MRPL13: variants seen among roughly 807,000 people sequenced by gnomAD.
The protein encoded by MRPL13 is mitochondrial ribosomal protein L13.
A neutral mutation model predicts 29.0 loss-of-function variants in MRPL13; 33 were observed. That is an observed-to-expected ratio of 1.14 (90% confidence interval 0.86 to 1.52). The LOEUF (loss-of-function observed/expected upper bound fraction) is 1.52. Ranked by LOEUF, MRPL13 falls within the 40% of genes most tolerant of loss-of-function variation. The probability of loss-of-function intolerance (pLI) is 0.00; values close to 1 mark genes in which losing one functional copy is unlikely to be tolerated. For synonymous variants in MRPL13, 77 were observed against 68.4 expected (o/e 1.13, Z -0.62); for missense variants, 227 against 216.7 (o/e 1.05, Z -0.30).
chr8:120,396,457 A>T (rs1016345987), intron 6 of MRPL13, among the ~76,000 whole-genome samples: 1 of 152,182 alleles, frequency 6.6e-6, no homozygotes, highest in African/African-American at 2.4e-5. Flanking sequence ...AGATTACTAT[A>T]ATCTTTAAGA....
At chr8:120,423,077 A>G (rs1328515047) in intron 4 of MRPL13, among the ~76,000 whole-genome samples, 3 of 152,084 alleles carry the variant, frequency 2.0e-5, no homozygotes, top group Admixed American at 6.6e-5. Context: ...GACTATTGAA[A>G]CTGATCAACA....
intron 4 of MRPL13, among the ~76,000 whole-genome samples, chr8:120,423,739 A>G (rs1812899975): frequency 1.3e-5 from 2 of 152,296 alleles, no homozygotes; most frequent in African/African-American, 4.8e-5. Flanking sequence ...GAATGCCAGC[A>G]AGAAGTACTT....
At chr8:120,442,132 G>A (rs986703427) in intron 2 of MRPL13, among the ~76,000 whole-genome samples, 15 of 152,126 alleles carry the variant, frequency 9.9e-5, no homozygotes, top group African/African-American at 2.4e-4. Flanking sequence ...ATTTGTCATC[G>A]AGAAAATGCA....
intron 6 of MRPL13, among the ~76,000 whole-genome samples, chr8:120,400,737 T>TAAAA (rs1439338950): frequency 7.1e-6 from 1 of 140,092 alleles, no homozygotes; most frequent in African/African-American, 2.9e-5. Context: ...AATAAATAAA[T>TAAAA]AAATAAAAAA....
chr8:120,434,806 G>A (rs77560353), intron 2 of MRPL13, among the ~76,000 whole-genome samples: 2,553 of 152,150 alleles, frequency 0.017, 70 homozygotes, highest in African/African-American at 0.059. Context: ...TCTGGGCCAG[G>A]TAAGCCATGC....
At chr8:120,439,187 T>C (rs558087084) in intron 2 of MRPL13, among the ~76,000 whole-genome samples, 27 of 152,360 alleles carry the variant, frequency 1.8e-4, no homozygotes, top group African/African-American at 6.5e-4. Context: ...CTGCCTTCTT[T>C]CACCTTTCAT....
Position 120,396,080 on chromosome 8 carries a change from T to G in MRPL13, c.*24A>C. The G allele has an allele frequency of 1.9e-6, 3 of 1,576,496 alleles. No homozygotes were observed. The highest frequency in any genetic ancestry group is 2.6e-6 in the Non-Finnish European group (3 of 1,154,996). On this transcript the variant is annotated 3_prime_UTR_variant, in exon 7 of 7. Coordinates refer to ENST00000306185, the MANE Select transcript of MRPL13 (RefSeq NM_014078.6). ...GAAGAAAGTTTCAATCACTTCACTGTTATTTTCTGCAATTCTTATTCTCTT... is the reference window on the plus strand; with the variant it reads ...GAAGAAAGTTTCAATCACTTCACTGGTATTTTCTGCAATTCTTATTCTCTT...
At position 120,414,039 on chromosome 8, in the gene MRPL13, T is replaced by C; in HGVS notation, c.467A>G (p.Asp156Gly). The change falls in exon 6 of 7, where the codon GAT (aspartate) becomes GGT (glycine). Residue 156 changes from aspartate to glycine, a missense_variant. Physicochemically the swap from Asp to Gly is moderately conservative, Grantham distance 94. Coordinates refer to ENST00000306185, the MANE Select transcript of MRPL13 (RefSeq NM_014078.6). ...PQPRKIPKRL[D>G]EYTQEEIDAF... The stretch of plus-strand genomic sequence containing the variant: ...GTCTATTTCTTCTTGTGTGTACTCA[T>C]CTAGACGTTTAGGTATTTTTCGTGG... The C allele has an allele frequency of 6.2e-7, 1 of 1,603,302 alleles. No homozygotes were observed. Among genetic ancestry groups the C allele is most frequent in the African/African-American group, 1.3e-5 (1 of 74,422 alleles).
At chr8:120,404,990 C>T (rs749149138) in intron 6 of MRPL13, among the ~76,000 whole-genome samples, 7 of 152,188 alleles carry the variant, frequency 4.6e-5, no homozygotes, top group Admixed American at 3.3e-4. Flanking sequence ...GAGCACAGTA[C>T]AGAGTACAGT....
intron 5 of MRPL13, among the ~76,000 whole-genome samples, chr8:120,417,436 A>C (rs7818026): frequency 0.077 from 11,756 of 152,236 alleles, 657 homozygotes; most frequent in East Asian, 0.19. Flanking sequence ...GCTGGTAATG[A>C]TGGCTTTTCT....
At chr8:120,407,400 A>G (rs569935030) in intron 6 of MRPL13, among the ~76,000 whole-genome samples, 6 of 152,142 alleles carry the variant, frequency 3.9e-5, no homozygotes, top group Non-Finnish European at 5.9e-5. Context: ...ACTTCCCAGC[A>G]CTTTGGGAGG....
At chr8:120,396,663 T>C (rs1302300459) in intron 6 of MRPL13, among the ~76,000 whole-genome samples, 4 of 152,346 alleles carry the variant, frequency 2.6e-5, no homozygotes, top group Admixed American at 6.5e-5. Flanking sequence ...ATTATAAGAT[T>C]AACCACACCT....
intron 6 of MRPL13, among the ~76,000 whole-genome samples, chr8:120,400,429 G>A (rs1812577908): frequency 6.6e-6 from 1 of 152,108 alleles, no homozygotes; most frequent in African/African-American, 2.4e-5. Flanking sequence ...TGAAACTAAT[G>A]AGAATGAAGA....
At chr8:120,430,704 C>G (rs1812987691) in intron 3 of MRPL13, among the ~76,000 whole-genome samples, 1 of 152,098 alleles carries the variant, frequency 6.6e-6, no homozygotes, top group African/African-American at 2.4e-5. Flanking sequence ...TATGAAGCAG[C>G]AGTGGGAACT....
intron 4 of MRPL13, among the ~76,000 whole-genome samples, chr8:120,421,075 T>C (rs1343598724): frequency 6.6e-6 from 1 of 151,768 alleles, no homozygotes; most frequent in Non-Finnish European, 1.5e-5. Flanking sequence ...TTTAAGAAAT[T>C]CAGAAAGTAA....
At chr8:120,396,466 G>A (rs1812525916) in intron 6 of MRPL13, among the ~76,000 whole-genome samples, 1 of 152,060 alleles carries the variant, frequency 6.6e-6, no homozygotes, top group Non-Finnish European at 1.5e-5. Flanking sequence ...TAATCTTTAA[G>A]AGTTTAAAAA....
intron 3 of MRPL13, among the ~76,000 whole-genome samples, chr8:120,427,831 C>G (rs1812948101): frequency 6.6e-6 from 1 of 151,828 alleles, no homozygotes; most frequent in Non-Finnish European, 1.5e-5. Context: ...AAAAAGCAAT[C>G]AGAGATGACA....
At chr8:120,435,429 AACTCCC>A (rs2130482849) in intron 2 of MRPL13, among the ~76,000 whole-genome samples, 1 of 152,182 alleles carries the variant, frequency 6.6e-6, no homozygotes, top group East Asian at 1.9e-4. Context: ...CCCAATGTTT[AACTCCC>A]ACTTATAAGT....
chr8:120,407,739 T>C (rs1000814618), intron 6 of MRPL13, among the ~76,000 whole-genome samples: 1 of 152,114 alleles, frequency 6.6e-6, no homozygotes, highest in East Asian at 1.9e-4. Flanking sequence ...ATTTTTCAAG[T>C]AAAAAAATTC....
Sources: gnomAD v4.1 joint callset for allele counts (sites outside exome capture counted in the v4.1 genomes callset) on GRCh38, gnomAD v4.1.1 for gene constraint, MANE v1.5 for transcripts, NCBI Gene and HGNC (gene_info 2026-07-23, HGNC 2026-07-21) for gene names.